Variants in ANK2 observed in about 807,000 individuals in gnomAD.
The protein encoded by ANK2 is ankyrin 2, also known as ankyrin-2.
In ANK2, 83 loss-of-function variants were observed where a neutral mutation model predicts 360.5. That is an observed-to-expected ratio of 0.23 (90% CI 0.19 to 0.28). The LOEUF (loss-of-function observed/expected upper bound fraction) is 0.28, where lower values mean the gene tolerates loss of function less well. ANK2 is among the 10% of genes least tolerant of loss of function. The probability of loss-of-function intolerance (pLI) is 1.00; values close to 1 mark genes in which losing one functional copy is unlikely to be tolerated. For synonymous variants in ANK2, 1,740 were observed against 1,759.5 expected (o/e 0.99, Z 0.28); for missense variants, 4,201 against 4,795.7 (o/e 0.88, Z 3.66).
intron 2 of ANK2, among the ~76,000 whole-genome samples, chr4:112,953,317 T>C (rs2095144866): frequency 6.6e-6 from 1 of 152,268 alleles, no homozygotes; most frequent in South Asian, 2.1e-4. Context: ...GCTTGAATAT[T>C]GTAAAAATAA....
the ANK2 span, among the ~76,000 whole-genome samples, chr4:112,754,089 C>T: frequency 3.0e-5 from 4 of 131,490 alleles, no homozygotes; most frequent in African/African-American, 1.2e-4. Flanking sequence ...CAGAGTGAGA[C>T]TCTGTCTCAA....
intron 2 of ANK2, among the ~76,000 whole-genome samples, chr4:112,942,640 G>A (rs1276343233): frequency 6.6e-6 from 1 of 150,690 alleles, no homozygotes; most frequent in African/African-American, 2.4e-5. Context: ...ATATTTATTG[G>A]GATTAAAAAG....
intron 1 of ANK2, among the ~76,000 whole-genome samples, chr4:113,104,903 C>T (rs1052776738): frequency 2.0e-5 from 3 of 151,698 alleles, no homozygotes; most frequent in Admixed American, 1.3e-4. Flanking sequence ...ATCTTGGGAG[C>T]CCTCCTGGAA....
chr4:113,028,885 A>G (rs1016203983), intron 2 of ANK2, among the ~76,000 whole-genome samples: 4 of 152,178 alleles, frequency 2.6e-5, no homozygotes, highest in Non-Finnish European at 4.4e-5. Context: ...ATATTGCTGT[A>G]TGTGAACCCA....
intron 1 of ANK2, among the ~76,000 whole-genome samples, chr4:113,090,947 T>G (rs971995876): frequency 1.3e-5 from 2 of 152,204 alleles, no homozygotes; most frequent in African/African-American, 2.4e-5. Context: ...AACATGCCTC[T>G]GACGTTTGAT....
upstream of ANK2, among the ~76,000 whole-genome samples, chr4:113,048,495 G>A (rs1312427429): frequency 6.9e-6 from 1 of 145,058 alleles, no homozygotes; most frequent in Non-Finnish European, 1.5e-5. Flanking sequence ...GGCTGTTGTC[G>A]AGCTCCTCAC....
upstream of ANK2, among the ~76,000 whole-genome samples, chr4:113,046,439 T>C (rs1211766309): frequency 6.6e-6 from 1 of 152,080 alleles, no homozygotes; most frequent in South Asian, 2.1e-4. Context: ...TGTGATGGTG[T>C]TAGGGAACTG....
At chr4:112,763,405 A>G in the ANK2 span, among the ~76,000 whole-genome samples, 324 of 150,426 alleles carry the variant, frequency 2.2e-3, 4 homozygotes, top group Admixed American at 4.5e-3. Flanking sequence ...ATTTTTTTGT[A>G]TTTCTTTTAG....
chr4:112,939,277 T>C (rs1581540005), intron 2 of ANK2, among the ~76,000 whole-genome samples: 1 of 152,292 alleles, frequency 6.6e-6, no homozygotes, highest in East Asian at 1.9e-4. Flanking sequence ...TTTTAAAAAG[T>C]ATCAGGGAAT....
At chr4:112,811,943 C>T in the ANK2 span, among the ~76,000 whole-genome samples, 13 of 151,298 alleles carry the variant, frequency 8.6e-5, no homozygotes, top group South Asian at 8.4e-4. Context: ...GGTGTAGTGG[C>T]GGGCGCCTGT....
rs377576219 is a variant in ANK2, at chr4:113,174,412, G to T, written c.85-4G>T. On this transcript the variant is annotated splice_region_variant and splice_polypyrimidine_tract_variant and intron_variant, in intron 1 of 45. Transcript: ENST00000357077. ...TCATTAAAGGTCTTTTATTTTTCTCGCAGTCTGACAGCAATGCAAGCTTCC... is the reference window on the plus strand; with the variant it reads ...TCATTAAAGGTCTTTTATTTTTCTCTCAGTCTGACAGCAATGCAAGCTTCC... 1.2e-6 allele frequency: 2 copies of T among 1,608,232 alleles called. No individual in the cohort carries two copies. Among genetic ancestry groups the T allele is most frequent in the East Asian group, 2.2e-5 (1 of 44,674 alleles).
chr4:113,328,859 A>T (rs1441107404), intron 26 of ANK2, among the ~76,000 whole-genome samples: 2 of 152,078 alleles, frequency 1.3e-5, no homozygotes, highest in Non-Finnish European at 2.9e-5. Flanking sequence ...ATGCTAAGAT[A>T]TTTTTCTTCA....
chr4:113,182,984 T>C (rs551941167), intron 2 of ANK2, among the ~76,000 whole-genome samples: 6 of 152,188 alleles, frequency 3.9e-5, no homozygotes, highest in African/African-American at 1.2e-4. Flanking sequence ...GGAGAATTAC[T>C]GGATGGTGTC....
intron 2 of ANK2, among the ~76,000 whole-genome samples, chr4:112,954,942 G>A (rs2095259662): frequency 6.6e-6 from 1 of 152,106 alleles, no homozygotes; most frequent in Non-Finnish European, 1.5e-5. Context: ...TGCCAAATTT[G>A]TAAAAAACTG....
chr4:113,330,087 T>C (rs1447861777), intron 26 of ANK2, among the ~76,000 whole-genome samples, 159 bp from the exon 27 acceptor site: 2 of 152,196 alleles, frequency 1.3e-5, no homozygotes. Flanking sequence ...GGCATTGGTA[T>C]AAAGTAAAAT....
chr4:113,036,143 T>A (rs2061538809), intron 2 of ANK2, among the ~76,000 whole-genome samples: 1 of 151,908 alleles, frequency 6.6e-6, no homozygotes, highest in African/African-American at 2.4e-5. Context: ...TACATTACAT[T>A]TTGTCTGATA....
chr4:112,804,208 G>A, the ANK2 span, among the ~76,000 whole-genome samples: 1 of 152,072 alleles, frequency 6.6e-6, no homozygotes, highest in Non-Finnish European at 1.5e-5. Flanking sequence ...TTTTAGTAGA[G>A]ACGGGGTTTC....
intron 31 of ANK2, among the ~76,000 whole-genome samples, chr4:113,338,845 G>A (rs750915124): frequency 6.6e-6 from 1 of 151,946 alleles, no homozygotes; most frequent in Non-Finnish European, 1.5e-5. Flanking sequence ...CACCGCGCCC[G>A]GCCGATTGTT....
chr4:112,993,018 C>T (rs2047331895), intron 2 of ANK2, among the ~76,000 whole-genome samples: 1 of 152,090 alleles, frequency 6.6e-6, no homozygotes, highest in African/African-American at 2.4e-5. Flanking sequence ...CACAGTGGCT[C>T]ATACCTGTAA....
Sources: gnomAD v4.1 joint callset for allele counts (sites outside exome capture counted in the v4.1 genomes callset) on GRCh38, gnomAD v4.1.1 for gene constraint, MANE v1.5 for transcripts, NCBI Gene and HGNC (gene_info 2026-07-23, HGNC 2026-07-21) for gene names.